The following ADAMTS16 variants were observed in gnomAD, a reference collection of about 807,000 sequenced individuals.
ADAMTS16 encodes ADAM metallopeptidase with thrombospondin type 1 motif 16.
ADAMTS16 carries 94 observed loss-of-function variants against 145.8 expected under a neutral mutation model. That is an observed-to-expected ratio of 0.64 (90% confidence interval 0.55 to 0.77). The LOEUF is 0.77. Among genes scored for constraint, ADAMTS16 ranks in the 30% least tolerant of loss-of-function variants. The pLI is 0.00. For synonymous variants in ADAMTS16, 659 were observed against 604.3 expected, an observed-to-expected ratio of 1.09 and a Z score of -1.33; for missense variants, 1,585 against 1,591.5, an observed-to-expected ratio of 1.00 and a Z score of 0.07.
At chr5:5,292,473 G>C (rs1236468377) in intron 18 of ADAMTS16, among the ~76,000 whole-genome samples, 1 of 151,380 alleles carries the variant, frequency 6.6e-6, no homozygotes, top group African/African-American at 2.4e-5. Flanking sequence ...ACTCCAGCCT[G>C]TGTGACAGAG....
intron 10 of ADAMTS16, among the ~76,000 whole-genome samples, chr5:5,220,410 G>A (rs930151243): frequency 2.9e-4 from 44 of 151,464 alleles, no homozygotes; most frequent in African/African-American, 9.9e-4. Context: ...CGCCCGCCTC[G>A]GCCTCCCAAA....
chr5:5,202,685 G>A (rs1735994392), intron 9 of ADAMTS16, among the ~76,000 whole-genome samples: 1 of 152,148 alleles, frequency 6.6e-6, no homozygotes, highest in Non-Finnish European at 1.5e-5. Context: ...TCTAGATTCA[G>A]AATTTTTTAA....
chr5:5,262,913 G>C (rs529601349), intron 18 of ADAMTS16, 130 bp downstream of exon 18: 2 of 1,346,790 alleles, frequency 1.5e-6, no homozygotes, highest in Non-Finnish European at 2.0e-6. Flanking sequence ...GAGAAGCAAA[G>C]GGGACAAGAG....
intron 3 of ADAMTS16, among the ~76,000 whole-genome samples, chr5:5,157,565 T>C (rs142493266): frequency 1.1e-3 from 160 of 152,234 alleles, no homozygotes; most frequent in African/African-American, 3.8e-3. Flanking sequence ...ACTGAATAGG[T>C]ATTTGTACAG....
intron 10 of ADAMTS16, among the ~76,000 whole-genome samples, chr5:5,213,374 A>T (rs2126325178): frequency 6.6e-6 from 1 of 152,324 alleles, no homozygotes; most frequent in Admixed American, 6.5e-5. Context: ...TCAGTTTTGA[A>T]GATGAAAAGT....
At chr5:5,206,425 C>CAAAAAAAAAAAAAA (rs1173829992) in intron 9 of ADAMTS16, among the ~76,000 whole-genome samples, 1 of 39,434 alleles carries the variant, frequency 2.5e-5, no homozygotes, top group African/African-American at 1.2e-4. Flanking sequence ...GACTCCGTCT[C>CAAAAAAAAAAAAAA]AAAAAAAAAA....
intron 20 of ADAMTS16, among the ~76,000 whole-genome samples, chr5:5,304,600 A>G (rs1312223355): frequency 6.6e-6 from 1 of 152,068 alleles, no homozygotes; most frequent in African/African-American, 2.4e-5. Flanking sequence ...CTCATCAGGC[A>G]CTGCGTTTTC....
At chr5:5,223,129 G>A (rs1420093947) in intron 11 of ADAMTS16, 2 of 507,576 alleles carry the variant, frequency 3.9e-6, no homozygotes, top group African/African-American at 1.9e-5. Context: ...TCAGACAACA[G>A]GTGATGACAG....
intron 16 of ADAMTS16, among the ~76,000 whole-genome samples, chr5:5,240,723 C>T (rs748436838): frequency 2.6e-5 from 4 of 152,130 alleles, no homozygotes; most frequent in African/African-American, 9.7e-5. Flanking sequence ...CCCAGGCATT[C>T]GGGGTGTGGT....
Position 5,310,382 on chromosome 5 carries a change from C to T in ADAMTS16, c.3411+3654C>T, listed in dbSNP as rs370914047. On this transcript the variant is annotated intron_variant, in intron 21 of 22. Transcript: ENST00000274181. The surrounding 1 kb of genome is among the most constrained non-coding windows in gnomAD (Gnocchi z 4.3). Reference sequence around the variant, plus strand: ...ACCCCACACTGTGTCTCATTGGCAGCGTCCTGCGCTGAGTAATGTCTCCAA... The same window carrying T: ...ACCCCACACTGTGTCTCATTGGCAGTGTCCTGCGCTGAGTAATGTCTCCAA... Among the ~76,000 whole-genome samples, 7 of 152,174 alleles carry T rather than the reference C, an allele frequency of 4.6e-5. No homozygotes were observed. The highest frequency in any genetic ancestry group is 8.8e-5 in the Non-Finnish European group (6 of 68,034).
Position 5,172,720 on chromosome 5 carries a change from A to G in ADAMTS16, c.502-9324A>G, listed in dbSNP as rs146728418. Among the ~76,000 whole-genome samples the G allele has an allele frequency of 4.5e-4, 68 of 152,278 alleles. 2 individuals carry two copies. Among genetic ancestry groups the G allele is most frequent in the African/African-American group, 1.6e-3 (66 of 41,558 alleles). On this transcript the variant is annotated intron_variant, in intron 3 of 22. Coordinates refer to ENST00000274181, the MANE Select transcript of ADAMTS16 (RefSeq NM_139056.4). ...GGAGGAGAATGTGTATTCTGCAACT[A>G]TTGGATAAAATGTTCTGTAAATATC... is the stretch of plus-strand genomic sequence containing the variant.
At chr5:5,157,311 T>G (rs1368975925) in intron 3 of ADAMTS16, among the ~76,000 whole-genome samples, 2 of 152,080 alleles carry the variant, frequency 1.3e-5, no homozygotes, top group Non-Finnish European at 2.9e-5. Flanking sequence ...TTCTTCATAT[T>G]TAATTGATAA....
At chr5:5,174,083 C>T (rs1404179026) in intron 3 of ADAMTS16, among the ~76,000 whole-genome samples, 1 of 152,130 alleles carries the variant, frequency 6.6e-6, no homozygotes, top group African/African-American at 2.4e-5. Context: ...CACTAATGTT[C>T]TTGTCTTTCA....
intron 17 of ADAMTS16, among the ~76,000 whole-genome samples, chr5:5,260,194 G>A (rs1339796367): frequency 6.6e-6 from 1 of 151,988 alleles, no homozygotes; most frequent in Non-Finnish European, 1.5e-5. Flanking sequence ...TCTTCAAGAG[G>A]CTGAATATGT....
At chr5:5,164,584 G>A (rs1442146301) in intron 3 of ADAMTS16, among the ~76,000 whole-genome samples, 2 of 152,214 alleles carry the variant, frequency 1.3e-5, no homozygotes, top group Non-Finnish European at 2.9e-5. Context: ...ACCACGGTGT[G>A]GAGGAAGTGT....
intron 10 of ADAMTS16, among the ~76,000 whole-genome samples, chr5:5,220,411 G>A (rs1736568404): frequency 6.6e-6 from 1 of 151,512 alleles, no homozygotes; most frequent in Non-Finnish European, 1.5e-5. Context: ...GCCCGCCTCG[G>A]CCTCCCAAAG....
At chr5:5,318,670 C>T (rs745849704) in intron 22 of ADAMTS16, among the ~76,000 whole-genome samples, 4 of 152,262 alleles carry the variant, frequency 2.6e-5, no homozygotes, top group African/African-American at 9.6e-5. Context: ...GATGGCTGGG[C>T]GCCTGTTAAG....
intron 17 of ADAMTS16, among the ~76,000 whole-genome samples, chr5:5,251,920 G>T (rs1004568295): frequency 6.6e-6 from 1 of 151,952 alleles, no homozygotes; most frequent in Non-Finnish European, 1.5e-5. Flanking sequence ...GCAGTGGCGC[G>T]ACCTCGGCTC....
intron 18 of ADAMTS16, among the ~76,000 whole-genome samples, chr5:5,290,356 T>G (rs959615203): frequency 1.3e-5 from 2 of 152,132 alleles, no homozygotes; most frequent in Non-Finnish European, 2.9e-5. Flanking sequence ...CTGGGAATGT[T>G]AATAAGGTGT....
Sources: allele counts gnomAD v4.1 joint callset (sites outside exome capture counted in the v4.1 genomes callset), GRCh38; gene constraint gnomAD v4.1.1; non-coding constraint Gnocchi (gnomAD v3.1); transcripts MANE v1.5; gene names NCBI Gene and HGNC (gene_info 2026-07-23, HGNC 2026-07-21).